Variants in CA10 observed in about 807,000 individuals in gnomAD.
The protein encoded by CA10 is carbonic anhydrase 10 (inactive).
A neutral mutation model predicts 44.2 loss-of-function variants in CA10; 14 were observed. The ratio of observed to expected loss-of-function variants is 0.32; its 90% confidence interval spans 0.21 to 0.50. CA10 has a LOEUF of 0.50. CA10 is among the 20% of genes least tolerant of loss of function. The pLI is 0.99. For missense variants in CA10, 350 were observed against 409.7 expected (o/e 0.85, Z 1.26); for synonymous variants, 159 against 141.6 (o/e 1.12, Z -0.87).
intron 3 of CA10, among the ~76,000 whole-genome samples, chr17:51,781,394 G>A (rs1906053287): frequency 6.6e-6 from 1 of 152,194 alleles, no homozygotes; most frequent in East Asian, 1.9e-4. Context: ...ATTGTCATGA[G>A]TTCGGAAATA....
At chr17:51,673,291 C>T (rs773544595) in intron 4 of CA10, among the ~76,000 whole-genome samples, 5 of 152,176 alleles carry the variant, frequency 3.3e-5, no homozygotes, top group Admixed American at 6.5e-5. Context: ...ATGCAGATAC[C>T]TCAGCTGGTT....
chr17:51,882,672 G>C (rs1980427860), intron 3 of CA10, among the ~76,000 whole-genome samples: 1 of 152,148 alleles, frequency 6.6e-6, no homozygotes, highest in African/African-American at 2.4e-5. Flanking sequence ...GAGTTCAGCT[G>C]TGAGTGTGGC....
At chr17:51,891,745 T>C (rs1980865083) in intron 3 of CA10, among the ~76,000 whole-genome samples, 1 of 152,136 alleles carries the variant, frequency 6.6e-6, no homozygotes, top group African/African-American at 2.4e-5. Flanking sequence ...GCTCTTTCCT[T>C]TTGCCCCGCC....
At chr17:51,975,085 A>G (rs1598148377) in intron 2 of CA10, among the ~76,000 whole-genome samples, 1 of 152,266 alleles carries the variant, frequency 6.6e-6, no homozygotes, top group East Asian at 1.9e-4. Flanking sequence ...AAACATGCAC[A>G]TTATAATCTC....
chr17:51,899,867 G>T (rs1277419365), intron 3 of CA10, among the ~76,000 whole-genome samples: 1 of 142,844 alleles, frequency 7.0e-6, no homozygotes, highest in Non-Finnish European at 1.5e-5. Flanking sequence ...ATCAACTCCT[G>T]ATTTGTTTTC....
chr17:51,819,771 C>A (rs572236995), intron 3 of CA10, among the ~76,000 whole-genome samples: 1 of 152,196 alleles, frequency 6.6e-6, no homozygotes, highest in Non-Finnish European at 1.5e-5. Flanking sequence ...GGCTTCCAGT[C>A]CAGTGAATAA....
intron 3 of CA10, among the ~76,000 whole-genome samples, chr17:51,884,535 T>C (rs768132472): frequency 3.3e-5 from 5 of 152,188 alleles, no homozygotes; most frequent in Non-Finnish European, 7.3e-5. Flanking sequence ...TCTATTCTCA[T>C]TGAGGCTTTC....
At chr17:51,849,262 T>TAA (rs1302997475) in intron 3 of CA10, among the ~76,000 whole-genome samples, 1 of 137,942 alleles carries the variant, frequency 7.2e-6, no homozygotes, top group African/African-American at 2.6e-5. Flanking sequence ...TATATATATA[T>TAA]ATAAAACTAA....
chr17:51,638,454 A>G (rs1363753816), intron 6 of CA10, among the ~76,000 whole-genome samples: 1 of 152,226 alleles, frequency 6.6e-6, no homozygotes, highest in Admixed American at 6.5e-5. Context: ...AGACACAGTG[A>G]TTGGAATATG....
intron 3 of CA10, among the ~76,000 whole-genome samples, chr17:51,795,860 C>G (rs1442060115): frequency 1.3e-5 from 2 of 152,172 alleles, no homozygotes; most frequent in Non-Finnish European, 2.9e-5. Flanking sequence ...ACTAATGCTT[C>G]CAAATGTGTC....
intron 3 of CA10, among the ~76,000 whole-genome samples, chr17:51,814,931 C>G (rs1346094006): frequency 6.6e-6 from 1 of 152,174 alleles, no homozygotes; most frequent in Non-Finnish European, 1.5e-5. Flanking sequence ...TCTTGTCTCT[C>G]TTAAACATCC....
At chr17:51,665,990 T>C (rs1045449000) in intron 4 of CA10, among the ~76,000 whole-genome samples, 5 of 152,240 alleles carry the variant, frequency 3.3e-5, no homozygotes, top group Non-Finnish European at 7.3e-5. Context: ...AAAATATGAA[T>C]GTGCAGCTTA....
intron 2 of CA10, among the ~76,000 whole-genome samples, chr17:51,935,439 G>A (rs376099426): frequency 4.6e-5 from 7 of 152,132 alleles, no homozygotes; most frequent in Non-Finnish European, 8.8e-5. Context: ...CCAGTCTGAC[G>A]ATGTTTGAAT....
At chr17:51,794,933 C>G (rs1906650734) in intron 3 of CA10, among the ~76,000 whole-genome samples, 1 of 152,198 alleles carries the variant, frequency 6.6e-6, no homozygotes, top group African/African-American at 2.4e-5. Context: ...ATCTGGGACT[C>G]TCAGTTGATC....
chr17:51,709,827 C>G (rs1033934321), intron 4 of CA10, among the ~76,000 whole-genome samples: 2 of 152,130 alleles, frequency 1.3e-5, no homozygotes, highest in Non-Finnish European at 2.9e-5. Context: ...GAGCTGGGCC[C>G]CACAGTACAC....
At chr17:51,755,507 G>T (rs149394499) in intron 3 of CA10, among the ~76,000 whole-genome samples, 1 of 152,272 alleles carries the variant, frequency 6.6e-6, no homozygotes, top group African/African-American at 2.4e-5. Flanking sequence ...TCTCAAGGCA[G>T]TCTGACTCAG....
At chr17:52,006,991 T>A (rs1395977137) in intron 2 of CA10, among the ~76,000 whole-genome samples, 1 of 151,762 alleles carries the variant, frequency 6.6e-6, no homozygotes, top group African/African-American at 2.4e-5. Flanking sequence ...ACACATATTA[T>A]GTACATAGTT....
chr17:51,740,947 A>G (rs1009372189), intron 4 of CA10, among the ~76,000 whole-genome samples: 3 of 152,190 alleles, frequency 2.0e-5, no homozygotes, highest in Non-Finnish European at 4.4e-5. Flanking sequence ...AGCATTTATC[A>G]TATTCTAAAT....
intron 2 of CA10, among the ~76,000 whole-genome samples, chr17:52,003,543 T>C (rs1177186055): frequency 1.3e-5 from 2 of 152,008 alleles, no homozygotes; most frequent in Non-Finnish European, 2.9e-5. Flanking sequence ...ATGAAAGCTT[T>C]GTTTACCTTT....
Sources: gnomAD v4.1 joint callset for allele counts (sites outside exome capture counted in the v4.1 genomes callset) on GRCh38, gnomAD v4.1.1 for gene constraint, MANE v1.5 for transcripts, NCBI Gene and HGNC (gene_info 2026-07-23, HGNC 2026-07-21) for gene names.